The following NRXN1 variants were observed in gnomAD, a reference collection of about 807,000 sequenced individuals.
The protein encoded by NRXN1 is neurexin-1.
NRXN1 carries 39 observed loss-of-function variants against 150.9 expected under a neutral mutation model. The observed-to-expected ratio is 0.26, with a 90% CI of 0.20 to 0.34. NRXN1 has a LOEUF of 0.34. NRXN1 is among the 10% of genes least tolerant of loss of function. The pLI, the probability that NRXN1 is intolerant of heterozygous loss-of-function variation, is 1.00. For synonymous variants in NRXN1, 924 were observed against 757.0 expected (o/e 1.22, Z -3.62); for missense variants, 1,815 against 1,949.9 (o/e 0.93, Z 1.30).
intron 22 of NRXN1, among the ~76,000 whole-genome samples, chr2:49,923,225 T>C (rs920318589): frequency 2.0e-5 from 3 of 152,082 alleles, no homozygotes; most frequent in African/African-American, 7.2e-5. Flanking sequence ...GCAGCTCTTT[T>C]CCCCTATATA....
intron 5 of NRXN1, among the ~76,000 whole-genome samples, chr2:50,853,802 T>C (rs1346516098): frequency 6.6e-6 from 1 of 152,104 alleles, no homozygotes; most frequent in Non-Finnish European, 1.5e-5. Context: ...TTCTTTAATA[T>C]GTAAGTCAAT....
chr2:50,407,440 C>A (rs1002273668), intron 17 of NRXN1, among the ~76,000 whole-genome samples: 17 of 152,178 alleles, frequency 1.1e-4, no homozygotes, highest in Admixed American at 1.1e-3. Flanking sequence ...TCACTGTCTT[C>A]AGCCTCATTG....
intron 2 of NRXN1, among the ~76,000 whole-genome samples, chr2:51,002,382 A>G (rs1700183963): frequency 6.6e-6 from 1 of 152,020 alleles, no homozygotes; most frequent in Non-Finnish European, 1.5e-5. Context: ...TCATCAAATG[A>G]CATGCTTTCG....
chr2:50,258,348 A>T (rs1353377063), intron 17 of NRXN1, among the ~76,000 whole-genome samples: 1 of 152,064 alleles, frequency 6.6e-6, no homozygotes, highest in Non-Finnish European at 1.5e-5. Flanking sequence ...AACAATGTTC[A>T]CAGCATCTTC....
intron 18 of NRXN1, among the ~76,000 whole-genome samples, chr2:50,157,739 C>T (rs1438986159): frequency 6.6e-6 from 1 of 151,836 alleles, no homozygotes; most frequent in Non-Finnish European, 1.5e-5. Context: ...AGTCCACCAG[C>T]GTTGGGCAGT....
At chr2:50,741,658 T>A (rs564497459) in intron 5 of NRXN1, among the ~76,000 whole-genome samples, 2 of 152,296 alleles carry the variant, frequency 1.3e-5, no homozygotes, top group African/African-American at 4.8e-5. Context: ...GTTTTGCAAA[T>A]TTGTGCCTCA....
intron 5 of NRXN1, among the ~76,000 whole-genome samples, chr2:50,674,997 T>C (rs1689352715): frequency 6.6e-6 from 1 of 151,644 alleles, no homozygotes; most frequent in African/African-American, 2.4e-5. Flanking sequence ...CCCTCAGAAA[T>C]GGCTTGGTGT....
chr2:50,466,339 G>A (rs2088845340), intron 16 of NRXN1: 2 of 382,178 alleles, frequency 5.2e-6, no homozygotes. Flanking sequence ...GTTCAAGAAA[G>A]GAAAAGAATG....
chr2:50,282,042 C>CA (rs2152933896), intron 17 of NRXN1, among the ~76,000 whole-genome samples: 1 of 152,240 alleles, frequency 6.6e-6, no homozygotes, highest in East Asian at 1.9e-4. Flanking sequence ...CAGTATGAGG[C>CA]ATTGATACAT....
intron 21 of NRXN1, among the ~76,000 whole-genome samples, chr2:49,964,254 G>A (rs928118433): frequency 6.6e-6 from 1 of 152,108 alleles, no homozygotes; most frequent in Non-Finnish European, 1.5e-5. Flanking sequence ...GATTTTGACA[G>A]AAAATTAAAA....
intron 5 of NRXN1, among the ~76,000 whole-genome samples, chr2:50,777,856 G>C (rs532741876): frequency 2.0e-5 from 3 of 152,280 alleles, no homozygotes; most frequent in East Asian, 1.9e-4. Flanking sequence ...TCTTCAAAGA[G>C]GGTAATAATA....
chr2:50,193,008 A>G (rs929835962), intron 18 of NRXN1, among the ~76,000 whole-genome samples: 1 of 152,190 alleles, frequency 6.6e-6, no homozygotes, highest in Non-Finnish European at 1.5e-5. Flanking sequence ...AACCCTTTAA[A>G]ATAGTCTTGA....
intron 17 of NRXN1, among the ~76,000 whole-genome samples, chr2:50,426,804 T>C (rs1403767805): frequency 6.6e-6 from 1 of 152,098 alleles, no homozygotes; most frequent in Non-Finnish European, 1.5e-5. Flanking sequence ...TCAAATGAGG[T>C]CCCTTTGTCA....
intron 5 of NRXN1, among the ~76,000 whole-genome samples, chr2:50,883,964 A>G (rs1679839564): frequency 6.6e-6 from 1 of 151,754 alleles, no homozygotes; most frequent in Non-Finnish European, 1.5e-5. Flanking sequence ...TGCTTCTGGG[A>G]GCTAGAAATA....
intron 19 of NRXN1, among the ~76,000 whole-genome samples, chr2:50,069,675 A>G (rs1042986075): frequency 6.6e-6 from 1 of 152,032 alleles, no homozygotes; most frequent in African/African-American, 2.4e-5. Flanking sequence ...GAAACGTTTC[A>G]TGTTTTAAGC....
At chr2:50,626,344 G>A (rs1681047918) in intron 5 of NRXN1, among the ~76,000 whole-genome samples, 1 of 151,906 alleles carries the variant, frequency 6.6e-6, no homozygotes, top group Non-Finnish European at 1.5e-5. Flanking sequence ...TGATATGCCA[G>A]AGAAAGAAGA....
At chr2:51,015,850 A>C (rs1668591526) in intron 2 of NRXN1, among the ~76,000 whole-genome samples, 1 of 151,882 alleles carries the variant, frequency 6.6e-6, no homozygotes, top group Non-Finnish European at 1.5e-5. Context: ...TAAACTTACA[A>C]GTTACCATTT....
chr2:50,190,704 C>A (rs1375354754), intron 18 of NRXN1, among the ~76,000 whole-genome samples: 1 of 151,420 alleles, frequency 6.6e-6, no homozygotes, highest in Non-Finnish European at 1.5e-5. Flanking sequence ...CCTCCACCTC[C>A]CAAGTTCAAG....
At chr2:50,879,343 T>C (rs1054193960) in intron 5 of NRXN1, among the ~76,000 whole-genome samples, 40 of 151,916 alleles carry the variant, frequency 2.6e-4, no homozygotes, top group African/African-American at 9.4e-4. Context: ...AATCTATAAA[T>C]ACTCATATAG....
Sources: allele counts gnomAD v4.1 joint callset (sites outside exome capture counted in the v4.1 genomes callset), GRCh38; gene constraint gnomAD v4.1.1; transcripts MANE v1.5; gene names NCBI Gene and HGNC (gene_info 2026-07-23, HGNC 2026-07-21).